CFAP54: variants seen among roughly 807,000 people sequenced by gnomAD.
CFAP54 encodes the protein cilia and flagella associated protein 54.
A neutral mutation model predicts 370.4 loss-of-function variants in CFAP54; 290 were observed. The observed-to-expected ratio is 0.78, with a 90% CI of 0.71 to 0.86. The LOEUF is 0.86. CFAP54 is among the 40% of genes least tolerant of loss of function. The pLI is 0.00. For synonymous variants in CFAP54, 1,206 were observed against 1,236.5 expected, an observed-to-expected ratio of 0.98 and a Z score of 0.52; for missense variants, 3,399 against 3,528.7, an observed-to-expected ratio of 0.96 and a Z score of 0.93.
chr12:96,549,614 C>G (rs1955674187), intron 15 of CFAP54, among the ~76,000 whole-genome samples: 1 of 152,124 alleles, frequency 6.6e-6, no homozygotes. Flanking sequence ...GTAGTTGAGT[C>G]TGGATTCTGA....
intron 50 of CFAP54, among the ~76,000 whole-genome samples, chr12:96,731,664 A>G (rs931004455): frequency 1.3e-5 from 2 of 152,206 alleles, no homozygotes; most frequent in Non-Finnish European, 2.9e-5. Context: ...TCAGATTGGT[A>G]GAAATACTAA....
chr12:96,803,066 C>G (rs1368033484), intron 63 of CFAP54, among the ~76,000 whole-genome samples: 1 of 152,114 alleles, frequency 6.6e-6, no homozygotes, highest in Non-Finnish European at 1.5e-5. Flanking sequence ...TTTTCTTTAT[C>G]CAGTCTATCA....
rs1485385220 is a variant in CFAP54, at chr12:96,548,052, C to T, written c.2154+74C>T. Reference sequence around the variant, plus strand: ...TCAAATAATATTAAATTTGTAAATGCATAATGGTTAATTGTAGAAATAATT... The same window carrying T: ...TCAAATAATATTAAATTTGTAAATGTATAATGGTTAATTGTAGAAATAATT... On this transcript the variant is annotated intron_variant, in intron 15 of 67. Coordinates refer to ENST00000524981, the MANE Select transcript of CFAP54 (RefSeq NM_001306084.2). The T allele has an allele frequency of 7.6e-5, 46 of 607,780 alleles. No homozygotes were observed. In the Admixed American group the frequency reaches 1.4e-3, roughly 19 times the overall value. 37.6% of individuals were successfully genotyped at this position (607,780 alleles called of 1,614,324 possible).
chr12:96,809,681 T>C (rs1287584707), intron 63 of CFAP54, among the ~76,000 whole-genome samples: 27 of 152,224 alleles, frequency 1.8e-4, no homozygotes, highest in Non-Finnish European at 4.0e-4. Context: ...TGTCTACTTA[T>C]GTTTGAAGTG....
At chr12:96,522,057 A>C in intron 7 of CFAP54, 31 bp from the exon 8 acceptor site, 1 of 1,528,532 alleles carries the variant, frequency 6.5e-7, no homozygotes, top group Non-Finnish European at 8.8e-7. Flanking sequence ...TCTCATTGTT[A>C]TTTCATGTAT....
At chr12:96,530,448 C>T (rs1309149998) in intron 9 of CFAP54, among the ~76,000 whole-genome samples, 2 of 152,178 alleles carry the variant, frequency 1.3e-5, no homozygotes, top group African/African-American at 4.8e-5. Context: ...GGAGATCACA[C>T]CACCACCACT....
intron 32 of CFAP54, among the ~76,000 whole-genome samples, chr12:96,636,364 A>G (rs1956664449): frequency 1.3e-5 from 2 of 152,236 alleles, no homozygotes; most frequent in South Asian, 4.2e-4. Context: ...AAAATTGTCC[A>G]TTTTATCTAA....
intron 26 of CFAP54, among the ~76,000 whole-genome samples, chr12:96,609,507 T>C (rs539628289): frequency 7.2e-5 from 11 of 152,274 alleles, no homozygotes; most frequent in Admixed American, 2.0e-4. Flanking sequence ...TCTGGAGCCA[T>C]TTCTTTAAAA....
At chr12:96,811,864 C>G in intron 64 of CFAP54, 22 bp downstream of exon 64, 1 of 1,331,562 alleles carries the variant, frequency 7.5e-7, no homozygotes, top group Non-Finnish European at 1.0e-6. Flanking sequence ...TTCCACAACT[C>G]GAATTGTCTT....
intron 35 of CFAP54, among the ~76,000 whole-genome samples, chr12:96,651,223 A>G (rs927806253): frequency 1.2e-4 from 19 of 152,010 alleles, no homozygotes; most frequent in African/African-American, 4.3e-4. Context: ...TTATATGTCT[A>G]CTTTTCTAGT....
Position 96,639,750 on chromosome 12 carries a change from C to A in CFAP54, c.4317-4428C>A, listed in dbSNP as rs537002439. Among the ~76,000 whole-genome samples, 336 of 152,248 alleles carry A rather than the reference C, an allele frequency of 2.2e-3. 2 individuals are homozygous for A. In the Middle Eastern group the frequency reaches 0.027, roughly 12 times the overall value. ...TCCACCATGATCAAGTGGGCTTCATCCCTGGGATGCAAGGCTGGTTCAACA... is the reference window on the plus strand; with the variant it reads ...TCCACCATGATCAAGTGGGCTTCATACCTGGGATGCAAGGCTGGTTCAACA... On this transcript the variant is annotated intron_variant, in intron 32 of 67. Transcript: ENST00000524981.
chr12:96,872,891 A>C (rs965487435), intron 67 of CFAP54, among the ~76,000 whole-genome samples: 1 of 152,206 alleles, frequency 6.6e-6, no homozygotes, highest in African/African-American at 2.4e-5. Context: ...AGCTCCAGGC[A>C]AACTGGAATG....
chr12:96,873,571 GC>G (rs1960217242), intron 67 of CFAP54, among the ~76,000 whole-genome samples: 2 of 152,162 alleles, frequency 1.3e-5, no homozygotes, highest in South Asian at 4.1e-4. Context: ...AGTGGCCATA[GC>G]AGTTCCAAGA....
At chr12:96,848,203 A>AGTAGTT (rs1959413910) in intron 66 of CFAP54, among the ~76,000 whole-genome samples, 1 of 151,944 alleles carries the variant, frequency 6.6e-6, no homozygotes, top group Non-Finnish European at 1.5e-5. Flanking sequence ...TAGCCTCCCG[A>AGTAGTT]GTAGTTGGCA....
chr12:96,656,748 C>A (rs1956927723), intron 36 of CFAP54, among the ~76,000 whole-genome samples: 2 of 152,240 alleles, frequency 1.3e-5, no homozygotes, highest in South Asian at 4.1e-4. Context: ...CCCTGTCCTT[C>A]ATCCCAGAAA....
At chr12:96,735,728 C>A (rs977572196) in intron 50 of CFAP54, among the ~76,000 whole-genome samples, 2 of 152,162 alleles carry the variant, frequency 1.3e-5, no homozygotes, top group Admixed American at 6.5e-5. Context: ...AATTCTTCAT[C>A]CTATATGTAG....
intron 5 of CFAP54, among the ~76,000 whole-genome samples, chr12:96,516,565 G>A (rs1955237841): frequency 1.3e-5 from 2 of 152,020 alleles, no homozygotes; most frequent in South Asian, 4.1e-4. Context: ...ATAGAGGGCG[G>A]TCGGACTTCT....
At chr12:96,666,292 T>A (rs1049503498) in intron 39 of CFAP54, among the ~76,000 whole-genome samples, 8 of 152,204 alleles carry the variant, frequency 5.3e-5, no homozygotes, top group Non-Finnish European at 1.2e-4. Flanking sequence ...TCAATATAGA[T>A]TATTCTATTA....
At chr12:96,721,466 A>G (rs912839645) in intron 50 of CFAP54, among the ~76,000 whole-genome samples, 2 of 152,244 alleles carry the variant, frequency 1.3e-5, no homozygotes, top group African/African-American at 4.8e-5. Flanking sequence ...TTCTGTATCC[A>G]TATGCTCACA....
Sources: gnomAD v4.1 joint callset for allele counts (sites outside exome capture counted in the v4.1 genomes callset) on GRCh38, gnomAD v4.1.1 for gene constraint, MANE v1.5 for transcripts, NCBI Gene and HGNC (gene_info 2026-07-23, HGNC 2026-07-21) for gene names.